Variants in SPAG16 observed in about 807,000 individuals in gnomAD.
The protein encoded by SPAG16 is sperm associated antigen 16.
SPAG16 carries 86 observed loss-of-function variants against 80.4 expected under a neutral mutation model. The observed-to-expected ratio is 1.07, with a 90% CI of 0.90 to 1.28. SPAG16 has a LOEUF of 1.28. SPAG16 is among the 50% of genes most tolerant of loss of function. SPAG16 has a pLI of 0.00. For missense variants in SPAG16, 870 were observed against 765.3 expected (o/e 1.14, Z -1.61); for synonymous variants, 294 against 265.9 (o/e 1.11, Z -1.03).
At chr2:213,710,695 C>T (rs930843309) in intron 10 of SPAG16, among the ~76,000 whole-genome samples, 9 of 152,290 alleles carry the variant, frequency 5.9e-5, no homozygotes, top group African/African-American at 1.9e-4. Flanking sequence ...GTACTACTTT[C>T]GTGGCAAAAC....
chr2:213,292,800 GA>G (rs1417747291), intron 1 of SPAG16, among the ~76,000 whole-genome samples: 7 of 151,684 alleles, frequency 4.6e-5, no homozygotes, highest in East Asian at 1.9e-4. Context: ...AAATTTAAAA[GA>G]TTTTTTTTTC....
chr2:214,202,020 A>G (rs1280527910), intron 15 of SPAG16, among the ~76,000 whole-genome samples: 1 of 151,840 alleles, frequency 6.6e-6, no homozygotes, highest in Non-Finnish European at 1.5e-5. Context: ...TAATATTTGT[A>G]ATTTTGTGTA....
At chr2:213,544,477 C>G (rs2076551323) in intron 10 of SPAG16, among the ~76,000 whole-genome samples, 1 of 152,038 alleles carries the variant, frequency 6.6e-6, no homozygotes, top group Admixed American at 6.5e-5. Context: ...CATCCTCAAC[C>G]AGAGAGGTAT....
Position 214,149,363 on chromosome 2 carries a change from G to A in SPAG16, c.1720+97G>A, listed in dbSNP as rs554271791. On this transcript the variant is annotated intron_variant, in intron 15 of 15. Coordinates refer to ENST00000331683, the MANE Select transcript of SPAG16 (RefSeq NM_024532.5). ...TCTCCTTAAATGTATGTATTTCTAC[G>A]TAAATGTCTGTTCTTAATATTACAT... is the stretch of plus-strand genomic sequence containing the variant. 1.1e-4 allele frequency: 124 copies of A among 1,165,560 alleles called. No individual in the cohort carries two copies. In the South Asian group the frequency reaches 1.9e-3, roughly 18 times the overall value. The allele number at this position is 1,165,560 out of a possible 1,614,324, so 72.2% of individuals were successfully genotyped here. A position where few individuals can be genotyped will look rare whatever the true frequency, so the allele number is the denominator to read the frequency against.
chr2:214,207,855 C>G (rs189055888), intron 15 of SPAG16, among the ~76,000 whole-genome samples: 1 of 152,208 alleles, frequency 6.6e-6, no homozygotes, highest in African/African-American at 2.4e-5. Flanking sequence ...TTCTCCTGTC[C>G]TGGATGCTTC....
intron 12 of SPAG16, among the ~76,000 whole-genome samples, chr2:213,988,212 T>C (rs779105564): frequency 1.1e-4 from 16 of 152,168 alleles, no homozygotes; most frequent in Non-Finnish European, 2.1e-4. Flanking sequence ...AGAAAGTCAG[T>C]AAAGATATAG....
intron 10 of SPAG16, among the ~76,000 whole-genome samples, chr2:213,795,288 AT>A (rs1397762037): frequency 6.6e-6 from 1 of 152,188 alleles, no homozygotes. Context: ...GTATCTGTAG[AT>A]TAATATATAT....
intron 10 of SPAG16, among the ~76,000 whole-genome samples, chr2:213,571,970 C>CAT (rs1559265449): frequency 1.5e-5 from 2 of 129,052 alleles, no homozygotes. Flanking sequence ...CTTCCCTTCT[C>CAT]GCTTCATTTC....
chr2:213,426,836 T>TACACACACACACAC (rs199604984), intron 9 of SPAG16, among the ~76,000 whole-genome samples: 94 of 125,876 alleles, frequency 7.5e-4, no homozygotes, highest in Middle Eastern at 8.8e-3. Context: ...TTCTGATACA[T>TACACACACACACAC]ACACACACAC....
At chr2:214,165,203 G>A (rs938670545) in intron 15 of SPAG16, among the ~76,000 whole-genome samples, 9 of 150,886 alleles carry the variant, frequency 6.0e-5, no homozygotes, top group Non-Finnish European at 1.2e-4. Flanking sequence ...TGAAAAAAAA[G>A]TTTGCATTTT....
intron 10 of SPAG16, among the ~76,000 whole-genome samples, chr2:213,517,446 G>T (rs1384746423): frequency 6.6e-6 from 1 of 152,126 alleles, no homozygotes; most frequent in East Asian, 1.9e-4. Flanking sequence ...TTTCACAGAA[G>T]TAGAAAAAGC....
intron 9 of SPAG16, among the ~76,000 whole-genome samples, chr2:213,482,442 G>A (rs959224150): frequency 6.6e-6 from 1 of 152,204 alleles, no homozygotes; most frequent in African/African-American, 2.4e-5. Flanking sequence ...TTAGTGCCAT[G>A]TGCTGGGTTT....
At chr2:214,252,949 C>G (rs1405916836) in intron 15 of SPAG16, among the ~76,000 whole-genome samples, 1 of 152,128 alleles carries the variant, frequency 6.6e-6, no homozygotes, top group Non-Finnish European at 1.5e-5. Flanking sequence ...CACTTCCTCT[C>G]CAGCATCTGT....
intron 12 of SPAG16, among the ~76,000 whole-genome samples, chr2:214,012,280 A>ATTTTTTTTT (rs1237894126): frequency 8.6e-4 from 40 of 46,370 alleles, no homozygotes; most frequent in Admixed American, 1.5e-3. Context: ...ATATATATAT[A>ATTTTTTTTT]TATATATATT....
intron 9 of SPAG16, among the ~76,000 whole-genome samples, chr2:213,410,164 C>T (rs528590809): frequency 2.6e-5 from 4 of 152,232 alleles, no homozygotes; most frequent in African/African-American, 9.6e-5. Context: ...CAGGGGAAAA[C>T]CCTACCGAAC....
chr2:213,364,450 C>T (rs1312337539), intron 8 of SPAG16: 2 of 167,186 alleles, frequency 1.2e-5, no homozygotes, highest in East Asian at 1.6e-4. Flanking sequence ...TACTTTTAGG[C>T]AGTAGAAAAC....
At chr2:214,187,210 A>C (rs548768555) in intron 15 of SPAG16, among the ~76,000 whole-genome samples, 91 of 151,248 alleles carry the variant, frequency 6.0e-4, no homozygotes, top group African/African-American at 1.7e-3. Flanking sequence ...ATATATCCCC[A>C]CACACACACA....
At chr2:213,982,482 T>C (rs959354719) in intron 12 of SPAG16, among the ~76,000 whole-genome samples, 3 of 152,082 alleles carry the variant, frequency 2.0e-5, no homozygotes, top group African/African-American at 7.2e-5. Context: ...TATACTTACA[T>C]ACAACAAAGT....
At chr2:214,305,909 G>T (rs1417555086) in intron 15 of SPAG16, among the ~76,000 whole-genome samples, 1 of 150,586 alleles carries the variant, frequency 6.6e-6, no homozygotes, top group African/African-American at 2.4e-5. Context: ...CTAGTTCTTT[G>T]AAGAATGTCA....
Sources: gnomAD v4.1 joint callset for allele counts (sites outside exome capture counted in the v4.1 genomes callset) on GRCh38, gnomAD v4.1.1 for gene constraint, MANE v1.5 for transcripts, NCBI Gene and HGNC (gene_info 2026-07-23, HGNC 2026-07-21) for gene names.